Variants in BCKDHB observed in about 807,000 individuals in gnomAD.
BCKDHB encodes the protein 2-oxoisovalerate dehydrogenase subunit beta, mitochondrial.
In BCKDHB, 41 loss-of-function variants were observed where a neutral mutation model predicts 48.5. The ratio of observed to expected loss-of-function variants is 0.85; its 90% confidence interval spans 0.66 to 1.10. The LOEUF (loss-of-function observed/expected upper bound fraction) is 1.10. Among genes scored for constraint, BCKDHB ranks in the 50% least tolerant of loss-of-function variants. The pLI is 0.00. For synonymous variants in BCKDHB, 201 were observed against 174.8 expected (o/e 1.15, Z -1.18); for missense variants, 496 against 494.2 (o/e 1.00, Z -0.03).
intron 9 of BCKDHB, among the ~76,000 whole-genome samples, chr6:80,302,825 A>T (rs1335210576): frequency 6.6e-6 from 1 of 152,180 alleles, no homozygotes; most frequent in Non-Finnish European, 1.5e-5. Flanking sequence ...GCTGAGACAA[A>T]ATTTTGGAAT....
At chr6:80,294,768 G>A (rs1767135038) in intron 9 of BCKDHB, among the ~76,000 whole-genome samples, 1 of 152,084 alleles carries the variant, frequency 6.6e-6, no homozygotes, top group Admixed American at 6.5e-5. Flanking sequence ...CTCAAACCCT[G>A]TTTTCTGTTG....
At chr6:80,304,916 T>C (rs1046546286) in intron 9 of BCKDHB, among the ~76,000 whole-genome samples, 3 of 152,150 alleles carry the variant, frequency 2.0e-5, no homozygotes, top group African/African-American at 7.2e-5. Flanking sequence ...ATAAAGGTTA[T>C]CTACCAAAAA....
chr6:80,233,973 G>T (rs1017749083), intron 8 of BCKDHB, among the ~76,000 whole-genome samples: 2 of 151,730 alleles, frequency 1.3e-5, no homozygotes, highest in Admixed American at 6.6e-5. Context: ...AAATGGTTTC[G>T]AGATGAAACT....
intron 6 of BCKDHB, among the ~76,000 whole-genome samples, chr6:80,172,714 C>T (rs1434557895): frequency 6.6e-6 from 1 of 152,010 alleles, no homozygotes; most frequent in Non-Finnish European, 1.5e-5. Context: ...TAATTCATGG[C>T]CCATGCAACT....
the BCKDHB span, among the ~76,000 whole-genome samples, chr6:80,392,671 A>T: frequency 6.6e-6 from 1 of 151,674 alleles, no homozygotes; most frequent in African/African-American, 2.4e-5. Flanking sequence ...TGCTATAGCA[A>T]ATCATTTTCA....
At chr6:80,444,390 G>A in the BCKDHB span, among the ~76,000 whole-genome samples, 1 of 152,246 alleles carries the variant, frequency 6.6e-6, no homozygotes, top group East Asian at 1.9e-4. Context: ...GTTACGCCAT[G>A]CCAGGAATAT....
At chr6:80,392,862 C>CTTTT in the BCKDHB span, among the ~76,000 whole-genome samples, 4 of 102,074 alleles carry the variant, frequency 3.9e-5, no homozygotes, top group South Asian at 5.9e-4. Context: ...ACCTTTTTAA[C>CTTTT]TTTTTTTTTT....
intron 8 of BCKDHB, among the ~76,000 whole-genome samples, chr6:80,215,740 A>G (rs1438933892): frequency 6.6e-6 from 1 of 152,092 alleles, no homozygotes; most frequent in Non-Finnish European, 1.5e-5. Flanking sequence ...CTAATGTTAT[A>G]TATATATACT....
the BCKDHB span, among the ~76,000 whole-genome samples, chr6:80,394,440 G>GTT: frequency 6.8e-6 from 1 of 147,130 alleles, no homozygotes; most frequent in African/African-American, 2.5e-5. Context: ...CTGAGTTATT[G>GTT]TTTTTTTTTT....
the BCKDHB span, among the ~76,000 whole-genome samples, chr6:80,353,352 G>C: frequency 6.6e-6 from 1 of 152,178 alleles, no homozygotes; most frequent in African/African-American, 2.4e-5. Context: ...CATGAGTGCA[G>C]GTATCTTTTT....
At chr6:80,363,265 C>A in the BCKDHB span, among the ~76,000 whole-genome samples, 6 of 152,168 alleles carry the variant, frequency 3.9e-5, no homozygotes, top group Non-Finnish European at 8.8e-5. Context: ...TGCTGCTATT[C>A]TACCTTTTCA....
At chr6:80,312,796 G>C (rs751109754) in intron 9 of BCKDHB, among the ~76,000 whole-genome samples, 3 of 152,126 alleles carry the variant, frequency 2.0e-5, no homozygotes. Flanking sequence ...GATTATGATC[G>C]ATAAGCTTTG....
the BCKDHB span, among the ~76,000 whole-genome samples, chr6:80,402,774 T>C: frequency 6.6e-6 from 1 of 151,896 alleles, no homozygotes; most frequent in African/African-American, 2.4e-5. Context: ...TTGAGTTGAC[T>C]TTTGTGTATG....
At chr6:80,154,993 C>A (rs1185066900) in intron 3 of BCKDHB, among the ~76,000 whole-genome samples, 1 of 152,066 alleles carries the variant, frequency 6.6e-6, no homozygotes. Context: ...TATAAATTTC[C>A]ACAGAGTAAT....
chr6:80,351,437 G>T, the BCKDHB span, among the ~76,000 whole-genome samples: 3 of 151,940 alleles, frequency 2.0e-5, no homozygotes, highest in Admixed American at 1.3e-4. Flanking sequence ...TGGAGAGTTG[G>T]CCTGGGTCCA....
chr6:80,362,369 C>G, the BCKDHB span, among the ~76,000 whole-genome samples: 1 of 152,154 alleles, frequency 6.6e-6, no homozygotes, highest in Non-Finnish European at 1.5e-5. Flanking sequence ...CAGAAAGGGA[C>G]TGTAGGAGCC....
chr6:80,387,834 T>C, the BCKDHB span, among the ~76,000 whole-genome samples: 1 of 152,228 alleles, frequency 6.6e-6, no homozygotes, highest in African/African-American at 2.4e-5. Context: ...ATCACACTGG[T>C]CCATTACATT....
chr6:80,225,829 C>T (rs1229842565), intron 8 of BCKDHB, among the ~76,000 whole-genome samples: 3 of 152,092 alleles, frequency 2.0e-5, no homozygotes, highest in Non-Finnish European at 4.4e-5. Context: ...ACATTTGGTG[C>T]AATACAACTA....
chr6:80,353,875 T>C, the BCKDHB span, among the ~76,000 whole-genome samples: 1 of 143,038 alleles, frequency 7.0e-6, no homozygotes, highest in African/African-American at 2.7e-5. Flanking sequence ...AAAAGTAAAA[T>C]AATAGTAGCC....
Sources: gnomAD v4.1 joint callset for allele counts (sites outside exome capture counted in the v4.1 genomes callset) on GRCh38, gnomAD v4.1.1 for gene constraint, MANE v1.5 for transcripts, NCBI Gene and HGNC (gene_info 2026-07-23, HGNC 2026-07-21) for gene names.